Variants in LDLRAD4 observed in about 807,000 individuals in gnomAD.
The protein encoded by LDLRAD4 is low density lipoprotein receptor class A domain containing 4, also known as low-density lipoprotein receptor class A domain-containing protein 4.
Under a neutral mutation model 17.0 loss-of-function variants are expected in LDLRAD4, and 5 were observed. The ratio of observed to expected loss-of-function variants is 0.29; its 90% CI spans 0.15 to 0.62. LDLRAD4 has a LOEUF of 0.62. LDLRAD4 is among the 20% of genes least tolerant of loss of function. The probability of loss-of-function intolerance (pLI) is 0.84; values close to 1 mark genes in which losing one functional copy is unlikely to be tolerated. For missense variants in LDLRAD4, 340 were observed against 424.7 expected (o/e 0.80, Z 1.75); for synonymous variants, 168 against 171.8 (o/e 0.98, Z 0.17).
intron 3 of LDLRAD4, among the ~76,000 whole-genome samples, chr18:13,475,063 G>A (rs1040576743): frequency 1.3e-5 from 2 of 152,194 alleles, no homozygotes; most frequent in African/African-American, 4.8e-5. Context: ...ACCCAAAGAA[G>A]CCTTAGTCAC....
At chr18:13,269,177 T>C (rs2044383214) in intron 1 of LDLRAD4, among the ~76,000 whole-genome samples, 1 of 152,246 alleles carries the variant, frequency 6.6e-6, no homozygotes, top group Non-Finnish European at 1.5e-5. Flanking sequence ...GTTTGCCTTT[T>C]CTGGAAGTTT....
At chr18:13,232,560 G>GGGC (rs1187835053) in intron 1 of LDLRAD4, among the ~76,000 whole-genome samples, 1 of 151,832 alleles carries the variant, frequency 6.6e-6, no homozygotes, top group African/African-American at 2.4e-5. Context: ...CCTTGTCCGG[G>GGGC]GGCTGCTGCT....
intron 1 of LDLRAD4, among the ~76,000 whole-genome samples, chr18:13,304,063 C>A (rs1038894605): frequency 6.6e-6 from 1 of 152,222 alleles, no homozygotes; most frequent in Non-Finnish European, 1.5e-5. Context: ...AGGGGTGGAT[C>A]CAGGGTCCTG....
intron 1 of LDLRAD4, among the ~76,000 whole-genome samples, chr18:13,324,312 T>TG (rs2081403830): frequency 8.1e-6 from 1 of 124,150 alleles, no homozygotes. Context: ...TAATTTTTCG[T>TG]ATTTTTTTTT....
At chr18:13,529,809 C>T (rs1238473179) in intron 3 of LDLRAD4, among the ~76,000 whole-genome samples, 2 of 152,218 alleles carry the variant, frequency 1.3e-5, no homozygotes, top group African/African-American at 4.8e-5. Flanking sequence ...ATAGGCTGTC[C>T]ACAGAGTGTG....
chr18:13,303,454 C>T (rs558026694), intron 1 of LDLRAD4, among the ~76,000 whole-genome samples: 2 of 152,188 alleles, frequency 1.3e-5, no homozygotes, highest in South Asian at 4.2e-4. Context: ...TTCTCTCTCT[C>T]TCCCCGTTTC....
chr18:13,357,356 A>G (rs2083405654), intron 1 of LDLRAD4, among the ~76,000 whole-genome samples: 1 of 151,696 alleles, frequency 6.6e-6, no homozygotes, highest in South Asian at 2.1e-4. Context: ...TACAGGCATG[A>G]GCCCCCACAC....
chr18:13,359,631 A>T lies in LDLRAD4; in HGVS notation c.-382-27710A>T, dbSNP rs143327470. Among the ~76,000 whole-genome samples, 59 of 152,324 alleles carry T rather than the reference A, an allele frequency of 3.9e-4. No homozygotes were observed. The East Asian group carries it at 0.011, about 28-fold the overall frequency. On this transcript the variant is annotated intron_variant, in intron 1 of 5. Coordinates refer to ENST00000359446, the Ensembl canonical transcript of LDLRAD4. The stretch of plus-strand genomic sequence containing the variant: ...TAATTGCAGATAAGACATGATTGTG[A>T]GCTCATTTTAGGGAACTTAATTTCC...
chr18:13,629,060 G>A (rs2041428874), intron 4 of LDLRAD4, among the ~76,000 whole-genome samples: 1 of 152,138 alleles, frequency 6.6e-6, no homozygotes, highest in African/African-American at 2.4e-5. Context: ...TGAACTCCTT[G>A]CCTCAAACGA....
At chr18:13,224,694 A>C (rs2041670400) in intron 1 of LDLRAD4, among the ~76,000 whole-genome samples, 1 of 151,022 alleles carries the variant, frequency 6.6e-6, no homozygotes, top group Non-Finnish European at 1.5e-5. Context: ...GTTAGCCAGG[A>C]TGGTCTTGAT....
At chr18:13,338,491 G>T (rs984831332) in intron 1 of LDLRAD4, among the ~76,000 whole-genome samples, 1 of 152,142 alleles carries the variant, frequency 6.6e-6, no homozygotes. Flanking sequence ...TCAGTGTAGC[G>T]TTGGTGGATT....
intron 1 of LDLRAD4, among the ~76,000 whole-genome samples, chr18:13,235,316 T>C (rs1420569744): frequency 6.6e-6 from 1 of 152,264 alleles, no homozygotes; most frequent in Admixed American, 6.5e-5. Context: ...ATGCTTTCTC[T>C]TTAGACGAGA....
intron 1 of LDLRAD4, among the ~76,000 whole-genome samples, chr18:13,351,357 T>C (rs930474629): frequency 6.6e-6 from 1 of 152,202 alleles, no homozygotes; most frequent in African/African-American, 2.4e-5. Context: ...CCTTGTTAGC[T>C]GTATTCCTAG....
At chr18:13,434,271 A>G (rs1464307491) in intron 2 of LDLRAD4, among the ~76,000 whole-genome samples, 1 of 151,922 alleles carries the variant, frequency 6.6e-6, no homozygotes, top group South Asian at 2.1e-4. Flanking sequence ...TTAATAAGAA[A>G]TCAAATAGGA....
intron 1 of LDLRAD4, among the ~76,000 whole-genome samples, chr18:13,292,541 T>C (rs914432999): frequency 1.3e-5 from 2 of 152,166 alleles, no homozygotes; most frequent in South Asian, 2.1e-4. Flanking sequence ...GGAGAGAGGA[T>C]GCCATTGGGG....
chr18:13,633,833 G>A (rs983953201), intron 4 of LDLRAD4, among the ~76,000 whole-genome samples: 1 of 152,172 alleles, frequency 6.6e-6, no homozygotes, highest in Admixed American at 6.5e-5. Context: ...GCACCCAGGA[G>A]GGCAGGGCTC....
chr18:13,336,314 G>C (rs2082103247), intron 1 of LDLRAD4, among the ~76,000 whole-genome samples: 1 of 152,146 alleles, frequency 6.6e-6, no homozygotes, highest in African/African-American at 2.4e-5. Context: ...AATTTTACTA[G>C]AATATTCCTG....
intron 1 of LDLRAD4, among the ~76,000 whole-genome samples, chr18:13,337,740 T>TAAAAAAAAAAAAAAAA (rs5823248): frequency 7.4e-6 from 1 of 135,744 alleles, no homozygotes; most frequent in African/African-American, 3.0e-5. Context: ...TTACAAAAAG[T>TAAAAAAAAAAAAAAAA]AAAAAAAAAA....
intron 1 of LDLRAD4, among the ~76,000 whole-genome samples, chr18:13,322,234 A>T (rs1198920638): frequency 4.0e-5 from 6 of 151,540 alleles, no homozygotes; most frequent in African/African-American, 1.5e-4. Flanking sequence ...GCTGATTTTT[A>T]AAATGGCTCT....
Sources: gnomAD v4.1 joint callset for allele counts (sites outside exome capture counted in the v4.1 genomes callset) on GRCh38, gnomAD v4.1.1 for gene constraint, MANE v1.5 for transcripts, NCBI Gene and HGNC (gene_info 2026-07-23, HGNC 2026-07-21) for gene names.